The following CDH13 variants were observed in gnomAD, a reference collection of about 807,000 sequenced individuals.
CDH13 encodes the protein cadherin-13.
In CDH13, 24 loss-of-function variants were observed where a neutral mutation model predicts 63.8. That is an observed-to-expected ratio of 0.38 (90% CI 0.27 to 0.53). The LOEUF is 0.53. Ranked by LOEUF, CDH13 falls within the 20% of genes least tolerant of loss-of-function variation. The probability of loss-of-function intolerance (pLI) is 0.85; values close to 1 mark genes in which losing one functional copy is unlikely to be tolerated. For missense variants in CDH13, 1,049 were observed against 903.1 expected (o/e 1.16, Z -2.07); for synonymous variants, 503 against 355.3 (o/e 1.42, Z -4.67).
intron 7 of CDH13, among the ~76,000 whole-genome samples, chr16:83,492,579 A>C (rs1051868149): frequency 1.1e-4 from 16 of 152,218 alleles, no homozygotes. Context: ...AAAATAATGC[A>C]TTATCCTTTC....
intron 1 of CDH13, among the ~76,000 whole-genome samples, chr16:82,633,717 C>A (rs904720750): frequency 1.3e-5 from 2 of 152,170 alleles, no homozygotes; most frequent in Admixed American, 1.3e-4. Flanking sequence ...ATCCTAGCAC[C>A]GTCCTGGAGC....
intron 5 of CDH13, among the ~76,000 whole-genome samples, chr16:83,338,498 C>T (rs1260141881): frequency 6.6e-6 from 1 of 152,226 alleles, no homozygotes; most frequent in East Asian, 1.9e-4. Context: ...TAATAAACTC[C>T]CGTCCTCATG....
chr16:83,743,005 C>T (rs765252882), intron 10 of CDH13, among the ~76,000 whole-genome samples: 2 of 152,082 alleles, frequency 1.3e-5, no homozygotes, highest in Non-Finnish European at 2.9e-5. Context: ...GTCAGGAGTT[C>T]GAGACCAGCC....
chr16:83,400,995 G>A (rs1243731617), intron 6 of CDH13, among the ~76,000 whole-genome samples: 24 of 152,176 alleles, frequency 1.6e-4, no homozygotes, highest in Admixed American at 1.6e-3. Flanking sequence ...CTTGAGGCCA[G>A]GAGTTCGAGC....
intron 2 of CDH13, among the ~76,000 whole-genome samples, chr16:82,872,814 G>T (rs571381420): frequency 1.3e-5 from 2 of 152,176 alleles, no homozygotes. Flanking sequence ...CACTCATTTA[G>T]CCAACTATAG....
intron 6 of CDH13, among the ~76,000 whole-genome samples, chr16:83,471,571 G>A (rs147109769): frequency 6.6e-6 from 1 of 152,288 alleles, no homozygotes; most frequent in African/African-American, 2.4e-5. Flanking sequence ...ACCTCGCCTG[G>A]CCTTTCTAAC....
chr16:83,357,311 G>A (rs1189095682), intron 6 of CDH13, among the ~76,000 whole-genome samples: 15 of 152,106 alleles, frequency 9.9e-5, no homozygotes, highest in Non-Finnish European at 2.1e-4. Flanking sequence ...GGGATGACTT[G>A]AATAGTAACA....
At chr16:83,392,507 A>T (rs905756883) in intron 6 of CDH13, among the ~76,000 whole-genome samples, 2 of 152,198 alleles carry the variant, frequency 1.3e-5, no homozygotes, top group African/African-American at 4.8e-5. Flanking sequence ...GACTCCCCTG[A>T]TAGAGTTCCA....
intron 6 of CDH13, among the ~76,000 whole-genome samples, chr16:83,473,856 C>T (rs1452904559): frequency 6.6e-6 from 1 of 151,858 alleles, no homozygotes; most frequent in African/African-American, 2.4e-5. Context: ...CTCCCTGGGC[C>T]TCAGCTTCCC....
chr16:83,308,070 C>T (rs901999261), intron 5 of CDH13, among the ~76,000 whole-genome samples: 4 of 152,102 alleles, frequency 2.6e-5, no homozygotes, highest in Admixed American at 2.6e-4. Context: ...TGTAAAAGCT[C>T]TAAAATATGC....
intron 6 of CDH13, among the ~76,000 whole-genome samples, chr16:83,367,127 T>G (rs907355553): frequency 1.1e-4 from 16 of 152,304 alleles, no homozygotes; most frequent in African/African-American, 3.1e-4. Context: ...CATTTCTCAT[T>G]TCCTCGAAAA....
At chr16:83,378,446 TG>T (rs1272191593) in intron 6 of CDH13, among the ~76,000 whole-genome samples, 2 of 152,212 alleles carry the variant, frequency 1.3e-5, no homozygotes, top group African/African-American at 4.8e-5. Context: ...ATGTTCTAGT[TG>T]TCTGCAACGA....
chr16:83,701,793 C>T (rs1441934340), intron 10 of CDH13, among the ~76,000 whole-genome samples: 1 of 152,200 alleles, frequency 6.6e-6, no homozygotes, highest in African/African-American at 2.4e-5. Flanking sequence ...CGCACATCAG[C>T]CCTTCTCTGT....
intron 10 of CDH13, among the ~76,000 whole-genome samples, chr16:83,718,988 C>G (rs1909314809): frequency 1.3e-5 from 2 of 152,230 alleles, no homozygotes; most frequent in South Asian, 2.1e-4. Flanking sequence ...GGTGCAAGTT[C>G]TCTGGCAAAG....
At chr16:83,335,040 A>T (rs10514576) in intron 5 of CDH13, among the ~76,000 whole-genome samples, 11,664 of 152,234 alleles carry the variant, frequency 0.077, 634 homozygotes, top group East Asian at 0.29. Flanking sequence ...CACAACAAAC[A>T]TTGTATCCAT....
At chr16:82,888,833 A>G (rs951120543) in intron 2 of CDH13, among the ~76,000 whole-genome samples, 6 of 152,176 alleles carry the variant, frequency 3.9e-5, no homozygotes, top group African/African-American at 1.4e-4. Context: ...TTCTAGATGC[A>G]ATTGTTTTCT....
intron 1 of CDH13, among the ~76,000 whole-genome samples, chr16:82,751,904 C>A (rs975341719): frequency 6.6e-6 from 1 of 152,130 alleles, no homozygotes; most frequent in Non-Finnish European, 1.5e-5. Flanking sequence ...CAGAAAGCAG[C>A]CTGATGTAGG....
intron 3 of CDH13, among the ~76,000 whole-genome samples, chr16:83,119,784 C>T (rs554804319): frequency 4.5e-4 from 69 of 152,188 alleles, no homozygotes; most frequent in African/African-American, 1.6e-3. Context: ...TTACACGGTC[C>T]CAGTCATACA....
intron 4 of CDH13, among the ~76,000 whole-genome samples, chr16:83,176,769 G>C (rs763565984): frequency 6.6e-6 from 1 of 152,108 alleles, no homozygotes; most frequent in Non-Finnish European, 1.5e-5. Context: ...ATGAAATGGA[G>C]GCAGAAGTTT....
Sources: gnomAD v4.1 joint callset for allele counts (sites outside exome capture counted in the v4.1 genomes callset) on GRCh38, gnomAD v4.1.1 for gene constraint, MANE v1.5 for transcripts, NCBI Gene and HGNC (gene_info 2026-07-23, HGNC 2026-07-21) for gene names.